Variants in OTUD7B observed in about 807,000 individuals in gnomAD.
OTUD7B encodes OTU domain-containing protein 7B.
Under a neutral mutation model 82.2 loss-of-function variants are expected in OTUD7B, and 34 were observed. The ratio of observed to expected loss-of-function variants is 0.41; its 90% CI spans 0.31 to 0.55. OTUD7B has a LOEUF of 0.55. Among genes scored for constraint, OTUD7B ranks in the 20% least tolerant of loss-of-function variants. OTUD7B has a pLI of 0.20. For missense variants in OTUD7B, 944 were observed against 1,062.1 expected (o/e 0.89, Z 1.55); for synonymous variants, 398 against 402.7 (o/e 0.99, Z 0.14).
chr1:150,049,612 T>C, the OTUD7B span, among the ~76,000 whole-genome samples: 1 of 141,070 alleles, frequency 7.1e-6, no homozygotes, highest in African/African-American at 2.6e-5. Flanking sequence ...GCTTTTATTT[T>C]CCTTCTCTCT....
chr1:149,956,405 C>T (rs1648676301), intron 7 of OTUD7B, among the ~76,000 whole-genome samples: 1 of 151,994 alleles, frequency 6.6e-6, no homozygotes, highest in Admixed American at 6.5e-5. Flanking sequence ...GAGAGATCTG[C>T]TGTTAGTCTG....
chr1:150,021,665 A>G, the OTUD7B span, among the ~76,000 whole-genome samples: 2 of 152,224 alleles, frequency 1.3e-5, no homozygotes, highest in African/African-American at 4.8e-5. Flanking sequence ...AGAAGACACG[A>G]CAGCACCAGC....
Position 149,950,975 on chromosome 1 carries a change from G to GTTTGT in OTUD7B, c.846-755_846-754insACAAA, listed in dbSNP as rs1376360627. On this transcript the variant is annotated intron_variant, in intron 7 of 11. Transcript: ENST00000581312. Reference sequence around the variant, plus strand: ...CCCGGTCTAATTTTTTGTACTTTTTGTATTTTTTTTTTTTTTTTTTTTTTG... The same window carrying GTTTGT: ...CCCGGTCTAATTTTTTGTACTTTTTGTTTGTTATTTTTTTTTTTTTTTTTTTTTTG... 1.6e-4 allele frequency among the ~76,000 whole-genome samples: 2 copies of GTTTGT among 12,244 alleles called. 1 individual carries two copies. Among genetic ancestry groups the GTTTGT allele is most frequent in the African/African-American group, 8.8e-4 (2 of 2,282 alleles). 8.0% of individuals were successfully genotyped at this position (12,244 alleles called of 152,430 possible).
intron 1 of OTUD7B, among the ~76,000 whole-genome samples, chr1:149,996,341 T>C (rs1553783392): frequency 6.6e-5 from 10 of 151,220 alleles, no homozygotes; most frequent in Non-Finnish European, 1.5e-5. Context: ...CCAAGACACA[T>C]TTCTTTCTTG....
chr1:149,962,888 A>G (rs1649253888), intron 6 of OTUD7B: 1 of 152,210 alleles, frequency 6.6e-6, no homozygotes, highest in Admixed American at 6.5e-5. Flanking sequence ...TAGCTCAGGC[A>G]AAAGCTTTCC....
At position 149,951,046 on chromosome 1, in the gene OTUD7B, G is replaced by C. The variant is rs1222891133; in HGVS notation, c.846-825C>G. Among the ~76,000 whole-genome samples, 4 of 142,122 alleles carry C rather than the reference G, an allele frequency of 2.8e-5. No individual in the cohort carries two copies. The Admixed American group carries it at 2.9e-4, about 10-fold the overall frequency. 93.2% of individuals were successfully genotyped at this position (142,122 alleles called of 152,430 possible). On this transcript the variant is annotated intron_variant, in intron 7 of 11. Coordinates refer to ENST00000581312, the MANE Select transcript of OTUD7B (RefSeq NM_020205.4). Reference sequence around the variant, plus strand: ...CGCCCAGACTGGAGTGCAGTGGTGCGATTTGGGCTCACTGCAAGCTCCACC... The same window carrying C: ...CGCCCAGACTGGAGTGCAGTGGTGCCATTTGGGCTCACTGCAAGCTCCACC...
chr1:149,998,907 A>G (rs1421126316), intron 1 of OTUD7B, among the ~76,000 whole-genome samples: 2 of 152,220 alleles, frequency 1.3e-5, no homozygotes, highest in Non-Finnish European at 2.9e-5. Flanking sequence ...ATGATATTAG[A>G]TATACTGCTA....
intron 6 of OTUD7B, among the ~76,000 whole-genome samples, chr1:149,960,375 T>TTC (rs1649056004): frequency 0.01 from 6 of 592 alleles, no homozygotes; most frequent in Non-Finnish European, 0.065. Context: ...TTTCTTTTCT[T>TTC]TTTCTTTTCT....
At chr1:150,020,456 G>A in the OTUD7B span, among the ~76,000 whole-genome samples, 7 of 152,136 alleles carry the variant, frequency 4.6e-5, no homozygotes, top group African/African-American at 1.7e-4. Context: ...AGAATCGCTT[G>A]AACTAGGGAG....
chr1:150,038,500 C>A, the OTUD7B span, among the ~76,000 whole-genome samples: 1 of 152,076 alleles, frequency 6.6e-6, no homozygotes, highest in African/African-American at 2.4e-5. Context: ...AATTCTCCCA[C>A]CTCAGCCTCC....
chr1:150,063,192 C>T, the OTUD7B span, among the ~76,000 whole-genome samples: 1 of 152,054 alleles, frequency 6.6e-6, no homozygotes, highest in South Asian at 2.1e-4. Context: ...TGGCTCATGC[C>T]TATAATCCCA....
chr1:150,005,109 G>A (rs1652580857), intron 1 of OTUD7B, among the ~76,000 whole-genome samples: 1 of 152,000 alleles, frequency 6.6e-6, no homozygotes, highest in South Asian at 2.1e-4. Flanking sequence ...AAATACCTAC[G>A]GTATGAGGTC....
At chr1:149,972,888 T>A (rs1310668077) in intron 2 of OTUD7B, among the ~76,000 whole-genome samples, 4 of 152,208 alleles carry the variant, frequency 2.6e-5, no homozygotes, top group East Asian at 1.9e-4. Context: ...TGAGTATCCA[T>A]CATTTTCCTT....
the OTUD7B span, among the ~76,000 whole-genome samples, chr1:150,065,849 G>GTTTTTTTTTTTTTTT: frequency 1.1e-4 from 17 of 151,520 alleles, no homozygotes; most frequent in African/African-American, 3.9e-4. Flanking sequence ...TGTTCAAAAT[G>GTTTTTTTTTTTTTTT]TTTATGTTCC....
At chr1:149,968,986 G>A (rs1283637600) in intron 3 of OTUD7B, among the ~76,000 whole-genome samples, 1 of 152,040 alleles carries the variant, frequency 6.6e-6, no homozygotes, top group African/African-American at 2.4e-5. Context: ...CAAAGTGCTG[G>A]GATTACAGGC....
At chr1:150,044,948 CTA>C in the OTUD7B span, among the ~76,000 whole-genome samples, 1 of 151,888 alleles carries the variant, frequency 6.6e-6, no homozygotes, top group African/African-American at 2.4e-5. Flanking sequence ...TTATATATCA[CTA>C]TGTCTATATA....
the OTUD7B span, among the ~76,000 whole-genome samples, chr1:150,044,570 T>C: frequency 6.6e-6 from 1 of 151,554 alleles, no homozygotes; most frequent in African/African-American, 2.4e-5. Flanking sequence ...CTTGGGAGGC[T>C]GAGGTAGGAG....
intron 7 of OTUD7B, among the ~76,000 whole-genome samples, chr1:149,955,738 C>T (rs1553774434): frequency 6.6e-6 from 1 of 151,882 alleles, no homozygotes; most frequent in African/African-American, 2.4e-5. Context: ...GTATTGGGTG[C>T]ATATATATTT....
the OTUD7B span, among the ~76,000 whole-genome samples, chr1:150,059,314 T>A: frequency 5.1e-5 from 1 of 19,628 alleles, no homozygotes; most frequent in African/African-American, 2.0e-4. Flanking sequence ...CCCCCCCGCC[T>A]CCCAAAATGC....
Sources: allele counts gnomAD v4.1 joint callset (sites outside exome capture counted in the v4.1 genomes callset), GRCh38; gene constraint gnomAD v4.1.1; transcripts MANE v1.5; gene names NCBI Gene and HGNC (gene_info 2026-07-23, HGNC 2026-07-21).